Variants in URI1 observed in about 807,000 individuals in gnomAD.
URI1 encodes the protein unconventional prefoldin RPB5 interactor 1.
In URI1, 39 loss-of-function variants were observed where a neutral mutation model predicts 60.2. The ratio of observed to expected loss-of-function variants is 0.65; its 90% CI spans 0.50 to 0.85. URI1 has a LOEUF of 0.85. Among genes scored for constraint, URI1 ranks in the 40% least tolerant of loss-of-function variants. The pLI, the probability that URI1 is intolerant of heterozygous loss-of-function variation, is 0.00. For missense variants in URI1, 691 were observed against 665.9 expected, an observed-to-expected ratio of 1.04 and a Z score of -0.42; for synonymous variants, 251 against 236.8, an observed-to-expected ratio of 1.06 and a Z score of -0.55.
At position 29,963,006 on chromosome 19, in the gene URI1, C is replaced by T. The variant is rs139592934; in HGVS notation, c.118-8187C>T. Among the ~76,000 whole-genome samples, 212 of 152,258 alleles carry T rather than the reference C, an allele frequency of 1.4e-3. 1 individual carries two copies. Among genetic ancestry groups the T allele is most frequent in the African/African-American group, 4.7e-3 (197 of 41,550 alleles). ...TCACTCCTTTGAAGGCTGTGAATCT[C>T]CCCTGTGCCTCCTCCGCCTACCCCC... On this transcript the variant is annotated intron_variant, in intron 1 of 10. Transcript: ENST00000392271.
chr19:29,927,082 C>T (rs1354536338), intron 1 of URI1, among the ~76,000 whole-genome samples: 1 of 152,098 alleles, frequency 6.6e-6, no homozygotes, highest in Admixed American at 6.6e-5. Context: ...GGCAGGGAGA[C>T]CCTGCAGAGG....
chr19:29,956,285 CTTTTTTTTT>C lies in URI1; in HGVS notation c.117+13633_117+13641del, dbSNP rs369678110. 3.7e-5 allele frequency: 14 copies of C among 375,364 alleles called. 1 individual carries two copies. The highest frequency in any genetic ancestry group is 6.1e-5 in the Non-Finnish European group (14 of 231,378). The allele number at this position is 375,364 out of a possible 1,614,324, so 23.3% of individuals were successfully genotyped here. On this transcript the variant is annotated intron_variant, in intron 1 of 10. Coordinates refer to ENST00000392271, the MANE Select transcript of URI1 (RefSeq NM_003796.3). ...GCCACGGCGCCTGGCCCAGAGTAGT[CTTTTTTTTT>C]TTTTTTTTTTTAAGAAGGTCCAAAT...
intron 3 of URI1, 116 bp from the exon 4 acceptor site, chr19:29,986,166 C>G (rs561009719): frequency 2.0e-6 from 2 of 1,014,646 alleles, no homozygotes; most frequent in Admixed American, 3.8e-5. Context: ...TTTATTTTTC[C>G]CAATGTATAA....
intron 1 of URI1, among the ~76,000 whole-genome samples, chr19:29,961,504 T>C (rs1260485964): frequency 1.3e-5 from 2 of 152,126 alleles, no homozygotes; most frequent in Non-Finnish European, 2.9e-5. Flanking sequence ...TTTTTAAGGC[T>C]GAATAATATT....
At chr19:29,990,049 A>G (rs1254361133) in intron 4 of URI1, among the ~76,000 whole-genome samples, 1 of 152,100 alleles carries the variant, frequency 6.6e-6, no homozygotes, top group East Asian at 1.9e-4. Flanking sequence ...ATTGATTTTA[A>G]GTTAATTTTT....
chr19:30,015,313 A>G lies in URI1; in HGVS notation c.*244A>G, dbSNP rs1401931668. On this transcript the variant is annotated 3_prime_UTR_variant, in exon 11 of 11. Coordinates refer to ENST00000392271, the MANE Select transcript of URI1 (RefSeq NM_003796.3). ...AACACTCTTATCTAAGTTTGCCTTT[A>G]TGATGCAGTGGCAGCATTTTGAATT... 4.0e-5 allele frequency: 57 copies of G among 1,415,184 alleles called. No homozygotes were observed. The highest frequency in any genetic ancestry group is 5.0e-5 in the Non-Finnish European group (55 of 1,091,076). The allele number at this position is 1,415,184 out of a possible 1,614,324, so 87.7% of individuals were successfully genotyped here.
In URI1 at chr19:30,009,325, A is replaced by C. The variant is rs1374328459; in HGVS notation, c.1007A>C (p.Tyr336Ser). ...GGAGATAATTCTATACCAACAATATATTTTTCACATACTGTTGAGCCTAAG... is the reference window on the plus strand; with the variant it reads ...GGAGATAATTCTATACCAACAATATCTTTTTCACATACTGTTGAGCCTAAG... ...GVGDNSIPTIYFSHTVEPKRV... is the reference protein window; with the variant it reads ...GVGDNSIPTISFSHTVEPKRV... The change falls in exon 8 of 11, where the codon TAT (tyrosine) becomes TCT (serine). Residue 336 changes from tyrosine to serine, a missense_variant. Transcript: ENST00000392271. 6.2e-7 allele frequency: 1 copy of C among 1,613,868 alleles called. No homozygotes were observed. Among genetic ancestry groups the C allele is most frequent in the Non-Finnish European group, 8.5e-7 (1 of 1,179,860 alleles).
At chr19:29,957,812 A>G (rs1163991207) in intron 1 of URI1, among the ~76,000 whole-genome samples, 1 of 152,138 alleles carries the variant, frequency 6.6e-6, no homozygotes, top group African/African-American at 2.4e-5. Context: ...ATTAGCTTTT[A>G]AAAGTATATA....
chr19:29,988,004 C>T (rs554121170), intron 4 of URI1, among the ~76,000 whole-genome samples: 5 of 152,120 alleles, frequency 3.3e-5, no homozygotes, highest in African/African-American at 1.2e-4. Context: ...CTCGTCTCTA[C>T]TAAAAATACA....
At chr19:30,001,087 T>C (rs1164553738) in intron 4 of URI1, among the ~76,000 whole-genome samples, 1 of 151,838 alleles carries the variant, frequency 6.6e-6, no homozygotes, top group African/African-American at 2.4e-5. Flanking sequence ...AAAGTTTTCA[T>C]CTTTAAACAT....
At chr19:30,007,387 C>G in intron 6 of URI1, 83 bp from the exon 7 acceptor site, 1 of 1,463,600 alleles carries the variant, frequency 6.8e-7, no homozygotes, top group Non-Finnish European at 9.2e-7. Context: ...TCCCTTGCCC[C>G]AAAAGAAAGT....
upstream of URI1, among the ~76,000 whole-genome samples, chr19:29,940,111 G>A (rs982086779): frequency 2.0e-5 from 3 of 152,112 alleles, no homozygotes; most frequent in African/African-American, 4.8e-5. Flanking sequence ...CCTTTTAAAC[G>A]GGAAGTTCAG....
upstream of URI1, among the ~76,000 whole-genome samples, chr19:29,938,208 G>A (rs980476365): frequency 6.6e-6 from 1 of 152,056 alleles, no homozygotes; most frequent in African/African-American, 2.4e-5. Flanking sequence ...GCAGTTCTGT[G>A]GGCCATACAA....
chr19:29,949,238 C>T (rs1293602864), intron 1 of URI1, among the ~76,000 whole-genome samples: 4 of 148,342 alleles, frequency 2.7e-5, no homozygotes, highest in Non-Finnish European at 4.4e-5. Context: ...TCAGACGGGG[C>T]GGCCGGGCAG....
At chr19:29,948,700 T>C (rs1275481746) in intron 1 of URI1, among the ~76,000 whole-genome samples, 1 of 152,238 alleles carries the variant, frequency 6.6e-6, no homozygotes, top group Non-Finnish European at 1.5e-5. Context: ...AGAAGAATTT[T>C]TCTTAGTACA....
chr19:30,012,733 CTT>C (rs1459437914), intron 10 of URI1: 1 of 574,720 alleles, frequency 1.7e-6, no homozygotes, highest in African/African-American at 1.9e-5. Flanking sequence ...CATTACTTGT[CTT>C]AACGTTCTAT....
chr19:29,994,982 A>G (rs1456875981), intron 4 of URI1, among the ~76,000 whole-genome samples: 2 of 152,008 alleles, frequency 1.3e-5, no homozygotes, highest in Admixed American at 1.3e-4. Context: ...GGGTTTCACC[A>G]TGTTGGCCAG....
chr19:30,014,317 G>A (rs1000269644), intron 10 of URI1: 11 of 152,064 alleles, frequency 7.2e-5, no homozygotes, highest in African/African-American at 2.7e-4. Flanking sequence ...ATTCCTACTA[G>A]TATCAGCACT....
intron 1 of URI1, among the ~76,000 whole-genome samples, chr19:29,964,459 G>GTTTTT (rs202018051): frequency 7.5e-6 from 1 of 133,346 alleles, no homozygotes; most frequent in Non-Finnish European, 1.6e-5. Context: ...TTTGTTTTTT[G>GTTTTT]TTTTGTTTTT....
Sources: gnomAD v4.1 joint callset for allele counts (sites outside exome capture counted in the v4.1 genomes callset) on GRCh38, gnomAD v4.1.1 for gene constraint, MANE v1.5 for transcripts, NCBI Gene and HGNC (gene_info 2026-07-23, HGNC 2026-07-21) for gene names.